The following DST variants were observed in gnomAD, a reference collection of about 807,000 sequenced individuals.
DST encodes the protein bullous pemphigoid antigen.
A neutral mutation model predicts 875.2 loss-of-function variants in DST; 253 were observed. The ratio of observed to expected loss-of-function variants is 0.29; its 90% CI spans 0.26 to 0.32. The LOEUF is 0.32. DST is among the 10% of genes least tolerant of loss of function. The pLI is 1.00. For missense variants in DST, 8,287 were observed against 9,111.6 expected, an observed-to-expected ratio of 0.91 and a Z score of 3.68; for synonymous variants, 3,124 against 3,197.1, an observed-to-expected ratio of 0.98 and a Z score of 0.77.
intron 3 of DST, among the ~76,000 whole-genome samples, chr6:56,879,400 G>A (rs1435019940): frequency 6.6e-6 from 1 of 152,088 alleles, no homozygotes; most frequent in Non-Finnish European, 1.5e-5. Flanking sequence ...GAACCCGGGA[G>A]GTGGAGTTTG....
chr6:56,603,695 G>C lies in DST; in HGVS notation c.10810C>G (p.Gln3604Glu), dbSNP rs373788334. The part of the protein sequence containing the change: ...STEQFSSELQ[Q>E]CLQHTEKMHE... ...ATTTTTTCAGTGTGCTGTAAACACT[G>C]CTGTAATTCACTGGAAAACTAAAAA... The change falls in exon 41 of 104, where the codon CAG (glutamine) becomes GAG (glutamate). Residue 3604 changes from glutamine to glutamate, a missense_variant. Around this residue, in one of 10 missense-constraint regions of DST, gnomAD observed 3,138 missense variants for 3,116.6 expected, o/e 1.01. Coordinates refer to ENST00000680361, the MANE Select transcript of DST (RefSeq NM_001374736.1). 1.3e-5 allele frequency: 21 copies of C among 1,597,128 alleles called. No individual in the cohort carries two copies. The highest frequency in any genetic ancestry group is 2.7e-5 in the African/African-American group (2 of 73,504).
In DST at chr6:56,480,755, T is replaced by C. The variant is rs536485946; in HGVS notation, c.21531+1295A>G. ...CTCTGGATACGTGCCTTCTGGAGGTTTCCTGGTCCTGGTGTGAGAGTGGTG... is the reference window on the plus strand; with the variant it reads ...CTCTGGATACGTGCCTTCTGGAGGTCTCCTGGTCCTGGTGTGAGAGTGGTG... On this transcript the variant is annotated intron_variant, in intron 90 of 103. Coordinates refer to ENST00000680361, the MANE Select transcript of DST (RefSeq NM_001374736.1). Among the ~76,000 whole-genome samples, 10 of 152,284 alleles carry C rather than the reference T, an allele frequency of 6.6e-5. No homozygotes were observed. The South Asian group carries it at 2.1e-3, about 32-fold the overall frequency.
chr6:56,564,459 A>G (rs1243790610), intron 55 of DST, among the ~76,000 whole-genome samples: 2 of 152,328 alleles, frequency 1.3e-5, no homozygotes, highest in East Asian at 3.9e-4. Flanking sequence ...TTAACAGCTT[A>G]AGGAGATTTT....
At chr6:56,879,997 G>A (rs1781338251) in intron 3 of DST, among the ~76,000 whole-genome samples, 1 of 152,192 alleles carries the variant, frequency 6.6e-6, no homozygotes, top group Non-Finnish European at 1.5e-5. Context: ...ATATGATAAA[G>A]ACATTTTTAA....
chr6:56,845,533 T>C (rs762687294), intron 4 of DST, among the ~76,000 whole-genome samples: 3 of 152,264 alleles, frequency 2.0e-5, no homozygotes, highest in Admixed American at 6.5e-5. Flanking sequence ...TCTTTAAGGT[T>C]ACTAGAGTTT....
intron 49 of DST, among the ~76,000 whole-genome samples, chr6:56,580,233 T>C (rs2097945992): frequency 1.3e-5 from 2 of 152,126 alleles, no homozygotes; most frequent in Admixed American, 6.6e-5. Flanking sequence ...TGGCTACCAA[T>C]TGAACAGAGC....
chr6:56,939,563 TTACA>T lies in DST; in HGVS notation c.216+14218_216+14221del, dbSNP rs573677199. 3.7e-4 allele frequency among the ~76,000 whole-genome samples: 56 copies of T among 152,340 alleles called. No homozygotes were observed. The South Asian group carries it at 0.01, about 28-fold the overall frequency. On this transcript the variant is annotated intron_variant, in intron 2 of 103. Transcript: ENST00000680361. Reference sequence around the variant, plus strand: ...AACATAAATCGATAAGAAAAATTACTTACATAAAGATTAGAAAGTTCCCCTTATA... The same window carrying T: ...AACATAAATCGATAAGAAAAATTACTTAAAGATTAGAAAGTTCCCCTTATA...
Position 56,631,236 on chromosome 6 carries a change from A to C in DST, c.4117T>G (p.Ser1373Ala). 1 of 1,613,614 alleles carries C rather than the reference A, an allele frequency of 6.2e-7. No individual in the cohort carries two copies. The highest frequency in any genetic ancestry group is 8.5e-7 in the Non-Finnish European group (1 of 1,179,576). The change falls in exon 30 of 104, where the codon TCT (serine) becomes GCT (alanine). Residue 1373 changes from serine (S) to alanine (A), a missense_variant. Physicochemically the swap from Ser to Ala is moderately conservative, Grantham distance 99. This residue lies in a region of DST where 3,138 missense variants were observed against 3,116.6 expected (regional missense o/e 1.01). Transcript: ENST00000680361. ...VVLQNMNQVY[S>A]MSSTYIDKLK... ...TTATCTATGTAAGTGGAAGACATAG[A>C]ATAGACTTGGTTCATGTTCTGAAGG...
intron 5 of DST, among the ~76,000 whole-genome samples, chr6:56,728,973 TACACACACACACAC>T (rs35066414): frequency 2.8e-4 from 37 of 132,100 alleles, no homozygotes; most frequent in East Asian, 7.1e-4. Flanking sequence ...ATAAAAAAAG[TACACACACACACAC>T]ACACACACAC....
intron 49 of DST, among the ~76,000 whole-genome samples, chr6:56,585,487 TTTTC>T (rs1358580441): frequency 1.1e-4 from 17 of 152,084 alleles, no homozygotes; most frequent in Non-Finnish European, 2.1e-4. Context: ...TTCTCTCTTT[TTTTC>T]TTTATTAGTC....
At position 56,631,312 on chromosome 6, in the gene DST, T is replaced by C; in HGVS notation, c.4041A>G (p.Gln1347=). The C allele has an allele frequency of 6.2e-7, 1 of 1,614,062 alleles. No homozygotes were observed. The highest frequency in any genetic ancestry group is 8.5e-7 in the Non-Finnish European group (1 of 1,179,980). ...TAGGGACTGATGAAGAGGCTGCTGCTTGACTGAAAAACTCCTCACACTTAT... is the reference window on the plus strand; with the variant it reads ...TAGGGACTGATGAAGAGGCTGCTGCCTGACTGAAAAACTCCTCACACTTAT... ...ITNKCEEFFS[Q]AAASSSVPTL... Residue 1347 remains glutamine (Q), a synonymous_variant, in exon 30 of 104, where the codon CAA becomes CAG. Transcript: ENST00000680361.
Position 56,593,956 on chromosome 6 carries a change from C to T in DST, c.12433G>A (p.Glu4145Lys), listed in dbSNP as rs752961020. ...ELEKFDADYT[E>K]FEHWLQQSEQ... is the part of the protein sequence containing the mutation. ...GACTGCTGTAGCCAGTGCTCAAACTCGGTATAGTCAGCATCAAACTTTTCT... is the reference window on the plus strand; with the variant it reads ...GACTGCTGTAGCCAGTGCTCAAACTTGGTATAGTCAGCATCAAACTTTTCT... The change falls in exon 48 of 104, where the codon GAG (glutamate) becomes AAG (lysine). Residue 4145 changes from glutamate to lysine, a missense_variant. Physicochemically the swap from Glu to Lys is moderately conservative, Grantham distance 56. This residue lies in a region of DST where 1,513 missense variants were observed against 1,677.8 expected (regional missense o/e 0.90). Transcript: ENST00000680361. 1.1e-4 allele frequency: 182 copies of T among 1,613,686 alleles called. No individual in the cohort carries two copies. Among genetic ancestry groups the T allele is most frequent in the Non-Finnish European group, 1.5e-4 (179 of 1,179,832 alleles).
At chr6:56,897,626 C>T (rs116171420) in intron 3 of DST, among the ~76,000 whole-genome samples, 4,895 of 152,176 alleles carry the variant, frequency 0.032, 83 homozygotes, top group South Asian at 0.049. Flanking sequence ...CCACCATGCT[C>T]GGCCACCAGG....
chr6:56,558,302 A>G (rs974294167), intron 58 of DST, among the ~76,000 whole-genome samples: 1 of 152,120 alleles, frequency 6.6e-6, no homozygotes, highest in African/African-American at 2.4e-5. Context: ...TGCATGTGAT[A>G]ATTTAACACA....
chr6:56,763,724 C>CACACAT (rs1434952060), intron 4 of DST, among the ~76,000 whole-genome samples: 19 of 143,568 alleles, frequency 1.3e-4, no homozygotes, highest in South Asian at 6.8e-4. Flanking sequence ...CACACACACA[C>CACACAT]ATATAGGGAT....
chr6:56,788,289 G>A (rs1306945470), intron 4 of DST, among the ~76,000 whole-genome samples: 3 of 150,348 alleles, frequency 2.0e-5, no homozygotes, highest in Non-Finnish European at 4.4e-5. Flanking sequence ...TGCAGCCTCC[G>A]CCTCCCAGTT....
At chr6:56,822,327 A>G (rs2099773970) in intron 4 of DST, among the ~76,000 whole-genome samples, 1 of 152,194 alleles carries the variant, frequency 6.6e-6, no homozygotes, top group Admixed American at 6.5e-5. Context: ...AGTTTCCAGG[A>G]TATGGTACAG....
chr6:56,903,141 T>C (rs1794897879), intron 2 of DST, among the ~76,000 whole-genome samples: 1 of 152,196 alleles, frequency 6.6e-6, no homozygotes, highest in Non-Finnish European at 1.5e-5. Flanking sequence ...TATTTGATGA[T>C]ATAGTAGCTT....
At chr6:56,871,664 T>C (rs1777164194) in intron 3 of DST, 1 of 721,382 alleles carries the variant, frequency 1.4e-6, no homozygotes, top group Non-Finnish European at 2.5e-6. Context: ...AAATTGTTCC[T>C]AAACCAGAAG....
Sources: allele counts gnomAD v4.1 joint callset (sites outside exome capture counted in the v4.1 genomes callset), GRCh38; gene constraint gnomAD v4.1.1; regional missense constraint gnomAD v4.1.1; transcripts MANE v1.5; gene names NCBI Gene and HGNC (gene_info 2026-07-23, HGNC 2026-07-21).